Variants in PEX14 observed in about 807,000 individuals in gnomAD.
PEX14 encodes the protein peroxisomal membrane protein PEX14.
Under a neutral mutation model 49.5 loss-of-function variants are expected in PEX14, and 15 were observed. That is an observed-to-expected ratio of 0.30 (90% CI 0.20 to 0.47). PEX14 has a LOEUF of 0.47. Ranked by LOEUF, PEX14 falls within the 20% of genes least tolerant of loss-of-function variation. PEX14 has a pLI of 1.00. For missense variants in PEX14, 398 were observed against 494.8 expected (o/e 0.80, Z 1.86); for synonymous variants, 210 against 212.7 (o/e 0.99, Z 0.11).
At chr1:10,567,099 A>T (rs1036672789) in intron 3 of PEX14, among the ~76,000 whole-genome samples, 1 of 152,224 alleles carries the variant, frequency 6.6e-6, no homozygotes, top group African/African-American at 2.4e-5. Context: ...AACTTTATTT[A>T]TGGACACTGA....
chr1:10,524,681 A>T (rs2506888), intron 2 of PEX14, among the ~76,000 whole-genome samples: 104,501 of 151,204 alleles, frequency 0.69, 38,258 homozygotes, highest in Non-Finnish European at 0.82. Context: ...GAATCATTTG[A>T]TTGATTGATT....
At chr1:10,571,918 A>T (rs1471727442) in intron 3 of PEX14, among the ~76,000 whole-genome samples, 2 of 152,212 alleles carry the variant, frequency 1.3e-5, no homozygotes, top group Admixed American at 1.3e-4. Context: ...AATCAGAAAA[A>T]ATAAAGGGAG....
rs6659278 is a variant in PEX14, at chr1:10,514,158, G to C, written c.84+18837G>C. Among the ~76,000 whole-genome samples the C allele has an allele frequency of 6.6e-3, 373 of 56,760 alleles. 2 individuals carry two copies. The highest frequency in any genetic ancestry group is 0.051 in the African/African-American group (356 of 7,006). The allele number at this position is 56,760 out of a possible 152,430, so 37.2% of individuals were successfully genotyped here. ...AATGTATAAAATAATCTATGCCTCT[G>C]TGTGTGTGTGTGTGTGTGTGTGTGT... On this transcript the variant is annotated intron_variant, in intron 2 of 8. Coordinates refer to ENST00000356607, the MANE Select transcript of PEX14 (RefSeq NM_004565.3). The surrounding 1 kb of genome is among the most constrained non-coding windows in gnomAD (Gnocchi z 4.4).
intron 3 of PEX14, among the ~76,000 whole-genome samples, chr1:10,552,208 C>G (rs935598030): frequency 1.3e-5 from 2 of 152,216 alleles, no homozygotes; most frequent in East Asian, 1.9e-4. Flanking sequence ...CTTTGGGAGG[C>G]CGAGACGGGC....
intron 4 of PEX14, among the ~76,000 whole-genome samples, chr1:10,610,927 C>A (rs1388362124): frequency 6.6e-6 from 1 of 152,004 alleles, no homozygotes; most frequent in East Asian, 1.9e-4. Flanking sequence ...CTTCTTCTCC[C>A]TTTCCCATGA....
chr1:10,572,372 A>G (rs1640001236), intron 3 of PEX14, among the ~76,000 whole-genome samples: 1 of 152,218 alleles, frequency 6.6e-6, no homozygotes, highest in African/African-American at 2.4e-5. Context: ...GGATTAGGCA[A>G]AGATTTCTTA....
At chr1:10,499,507 G>C (rs1320255580) in intron 2 of PEX14, among the ~76,000 whole-genome samples, 6 of 147,680 alleles carry the variant, frequency 4.1e-5, no homozygotes, top group Non-Finnish European at 7.4e-5. Flanking sequence ...GGAGTGCAGT[G>C]GTGTGATCTC....
chr1:10,535,806 C>T (rs570143513), intron 2 of PEX14: 8 of 341,564 alleles, frequency 2.3e-5, no homozygotes, highest in East Asian at 7.6e-5. Context: ...TGTGTACGTG[C>T]GCGTGGGGTA....
chr1:10,559,234 A>G (rs930728749), intron 3 of PEX14, among the ~76,000 whole-genome samples: 2 of 152,092 alleles, frequency 1.3e-5, no homozygotes, highest in Non-Finnish European at 2.9e-5. Flanking sequence ...CTTTTCTTTA[A>G]AGCATTAATT....
chr1:10,579,875 C>G (rs934599605), intron 3 of PEX14, among the ~76,000 whole-genome samples: 8 of 151,912 alleles, frequency 5.3e-5, no homozygotes, highest in Non-Finnish European at 8.8e-5. Context: ...GACTTTCTGT[C>G]TCACCCTGTG....
chr1:10,551,186 A>AT (rs566126756), intron 3 of PEX14, among the ~76,000 whole-genome samples: 1 of 152,102 alleles, frequency 6.6e-6, no homozygotes. Flanking sequence ...CAATCATATC[A>AT]TTTTTTATAG....
chr1:10,482,553 C>T (rs567425243), intron 1 of PEX14, among the ~76,000 whole-genome samples: 1 of 152,052 alleles, frequency 6.6e-6, no homozygotes, highest in Admixed American at 6.6e-5. Context: ...TCTGCCTCAG[C>T]CTCCCAAGTA....
At chr1:10,543,251 C>CA (rs1261178404) in intron 3 of PEX14, among the ~76,000 whole-genome samples, 4 of 152,212 alleles carry the variant, frequency 2.6e-5, no homozygotes, top group Admixed American at 1.3e-4. Context: ...TCATCTGCCT[C>CA]AGCCTCCCGA....
intron 2 of PEX14, among the ~76,000 whole-genome samples, chr1:10,535,275 G>C (rs187126586): frequency 9.2e-5 from 14 of 152,354 alleles, no homozygotes; most frequent in Admixed American, 9.1e-4. Context: ...CACACTTCGC[G>C]TGTGCTGAGT....
intron 3 of PEX14, among the ~76,000 whole-genome samples, chr1:10,558,498 G>C (rs1351714890): frequency 1.3e-5 from 2 of 151,944 alleles, no homozygotes; most frequent in East Asian, 3.9e-4. Flanking sequence ...ACTTTGGGAG[G>C]CCGAGACAGG....
intron 2 of PEX14, among the ~76,000 whole-genome samples, chr1:10,503,303 A>AAAAG (rs1306157461): frequency 1.1e-4 from 11 of 99,132 alleles, no homozygotes; most frequent in African/African-American, 3.5e-4. Flanking sequence ...AAAAAAAAAA[A>AAAAG]AAAGAAAGAA....
intron 3 of PEX14, among the ~76,000 whole-genome samples, chr1:10,582,011 GATTAA>G (rs70997258): frequency 0.81 from 122,876 of 151,172 alleles, 51,131 homozygotes; most frequent in East Asian, 1. Flanking sequence ...ACTTTCTCAT[GATTAA>G]ATTAAATTTT....
chr1:10,504,093 G>A (rs1166970539), intron 2 of PEX14, among the ~76,000 whole-genome samples: 1 of 152,164 alleles, frequency 6.6e-6, no homozygotes, highest in African/African-American at 2.4e-5. Context: ...CACGCAGAAT[G>A]ATTTTTGGCT....
chr1:10,509,399 C>A (rs1004091157), intron 2 of PEX14, among the ~76,000 whole-genome samples: 1 of 152,192 alleles, frequency 6.6e-6, no homozygotes, highest in Non-Finnish European at 1.5e-5. Context: ...TCAAATGATT[C>A]TCATTATTAT....
Sources: allele counts gnomAD v4.1 joint callset (sites outside exome capture counted in the v4.1 genomes callset), GRCh38; gene constraint gnomAD v4.1.1; non-coding constraint Gnocchi (gnomAD v3.1); transcripts MANE v1.5; gene names NCBI Gene and HGNC (gene_info 2026-07-23, HGNC 2026-07-21).